The following FHOD3 variants were observed in gnomAD, a reference collection of about 807,000 sequenced individuals.
The protein encoded by FHOD3 is formin homology 2 domain containing 3, also known as FH1/FH2 domain-containing protein 3.
Under a neutral mutation model 173.0 loss-of-function variants are expected in FHOD3, and 90 were observed. The observed-to-expected ratio is 0.52, with a 90% CI of 0.44 to 0.62. FHOD3 has a LOEUF of 0.62. Among genes scored for constraint, FHOD3 ranks in the 20% least tolerant of loss-of-function variants. The pLI, the probability that FHOD3 is intolerant of heterozygous loss-of-function variation, is 0.00. For missense variants in FHOD3, 1,945 were observed against 2,034.7 expected (o/e 0.96, Z 0.85); for synonymous variants, 828 against 823.0 (o/e 1.01, Z -0.10).
Position 36,625,693 on chromosome 18 carries a change from C to T in FHOD3, c.1140C>T (p.Pro380=). 6.2e-7 allele frequency: 1 copy of T among 1,610,934 alleles called. No individual in the cohort carries two copies. Among genetic ancestry groups the T allele is most frequent in the Non-Finnish European group, 8.5e-7 (1 of 1,178,204 alleles). Reference sequence around the variant, plus strand: ...GCACCCTGTCGGCCCCCACCAGTCCCTGCTCCCAGTCAGCTCCCAGCTTCA... The same window carrying T: ...GCACCCTGTCGGCCCCCACCAGTCCTTGCTCCCAGTCAGCTCCCAGCTTCA... ...IKSTLSAPTS[P]CSQSAPSFKP... Residue 380 remains proline (P), a synonymous_variant, in exon 10 of 29, where the codon CCC becomes CCT. Transcript: ENST00000590592.
At position 36,777,204 on chromosome 18, in the gene FHOD3, T is replaced by C. The variant is rs149320985; in HGVS notation, c.4787-2244T>C. On this transcript the variant is annotated intron_variant, in intron 28 of 28. Transcript: ENST00000590592. ...ACTACTTCTTCTTCTTTTTCTTTTT[T>C]TTTTTTTTTTTTTTTTGAGATGGGG... 4.3e-3 allele frequency among the ~76,000 whole-genome samples: 626 copies of C among 145,794 alleles called. 2 individuals carry two copies. The highest frequency in any genetic ancestry group is 6.8e-3 in the South Asian group (30 of 4,394).
intron 6 of FHOD3, among the ~76,000 whole-genome samples, chr18:36,584,614 C>T (rs929948846): frequency 6.6e-6 from 1 of 152,060 alleles, no homozygotes; most frequent in Non-Finnish European, 1.5e-5. Context: ...TCAATTAAGA[C>T]TAATTTTTTT....
intron 14 of FHOD3, among the ~76,000 whole-genome samples, chr18:36,666,607 A>T (rs2037198978): frequency 2.0e-5 from 3 of 152,338 alleles, no homozygotes; most frequent in South Asian, 2.1e-4. Context: ...CTTGTGAATT[A>T]AGTGCTAATT....
chr18:36,671,996 T>C (rs1245480991), intron 14 of FHOD3, among the ~76,000 whole-genome samples: 1 of 152,064 alleles, frequency 6.6e-6, no homozygotes, highest in Non-Finnish European at 1.5e-5. Context: ...TTGAAGAACT[T>C]GGGTAGAGAG....
At chr18:36,538,088 C>G (rs1201839063) in intron 5 of FHOD3, among the ~76,000 whole-genome samples, 1 of 152,120 alleles carries the variant, frequency 6.6e-6, no homozygotes, top group African/African-American at 2.4e-5. Context: ...AAACACCCTT[C>G]TAAATAATCC....
At position 36,367,642 on chromosome 18, in the gene FHOD3, G is replaced by A. The variant is rs77513587; in HGVS notation, c.273-5038G>A. ...ACTGACAGCCTCTCTTTGGTATGTG[G>A]AAGCCCTATGAAGGCAGATATCAAA... On this transcript the variant is annotated intron_variant, in intron 2 of 28. Transcript: ENST00000590592. Among the ~76,000 whole-genome samples the A allele has an allele frequency of 8.4e-3, 1,285 of 152,244 alleles. 17 individuals are homozygous for A. Among genetic ancestry groups the A allele is most frequent in the African/African-American group, 0.029 (1,197 of 41,540 alleles).
intron 19 of FHOD3, among the ~76,000 whole-genome samples, chr18:36,720,777 C>A (rs140071577): frequency 2.6e-5 from 1 of 37,810 alleles, no homozygotes; most frequent in Non-Finnish European, 5.4e-5. Flanking sequence ...TCCTCCTCCT[C>A]CTCTTCCTCC....
chr18:36,354,683 G>A (rs927322860), intron 1 of FHOD3, among the ~76,000 whole-genome samples: 1 of 152,092 alleles, frequency 6.6e-6, no homozygotes, highest in Admixed American at 6.5e-5. Context: ...GTGGGTGCCT[G>A]TAATCCCAGC....
chr18:36,385,131 A>G (rs562101923), intron 3 of FHOD3, among the ~76,000 whole-genome samples: 1 of 152,338 alleles, frequency 6.6e-6, no homozygotes, highest in South Asian at 2.1e-4. Context: ...TGTATTAACT[A>G]TTAAACTGGG....
intron 1 of FHOD3, among the ~76,000 whole-genome samples, chr18:36,304,566 T>TC (rs1292977433): frequency 1.3e-5 from 2 of 152,210 alleles, no homozygotes; most frequent in African/African-American, 4.8e-5. Context: ...ATTTTTTTTT[T>TC]CATACCTCCA....
chr18:36,553,304 G>T (rs1263433057), intron 5 of FHOD3, among the ~76,000 whole-genome samples: 2 of 152,164 alleles, frequency 1.3e-5, no homozygotes, highest in Admixed American at 1.3e-4. Context: ...TCTCTGCCAG[G>T]CTTTGGTATC....
chr18:36,401,599 G>A (rs2048815040), intron 3 of FHOD3, among the ~76,000 whole-genome samples: 2 of 152,168 alleles, frequency 1.3e-5, no homozygotes, highest in Admixed American at 1.3e-4. Flanking sequence ...CCAGTATGTG[G>A]CTTTGGTTGG....
At chr18:36,474,993 A>G (rs1367109014) in intron 3 of FHOD3, among the ~76,000 whole-genome samples, 1 of 64,802 alleles carries the variant, frequency 1.5e-5, no homozygotes, top group East Asian at 9.6e-4. Flanking sequence ...ACATACACAC[A>G]CACACACACA....
At chr18:36,515,080 G>C (rs778435452) in intron 5 of FHOD3, among the ~76,000 whole-genome samples, 7 of 152,214 alleles carry the variant, frequency 4.6e-5, no homozygotes, top group Admixed American at 4.6e-4. Context: ...TTGTGCATGG[G>C]CAGGTTAAAC....
At chr18:36,616,977 G>C (rs1214895420) in intron 9 of FHOD3, among the ~76,000 whole-genome samples, 3 of 152,150 alleles carry the variant, frequency 2.0e-5, no homozygotes, top group Admixed American at 1.3e-4. Flanking sequence ...GACAAAGTCT[G>C]TAAGTGAGGT....
chr18:36,578,319 G>A (rs994077366), intron 6 of FHOD3, among the ~76,000 whole-genome samples: 3 of 152,060 alleles, frequency 2.0e-5, no homozygotes, highest in African/African-American at 7.2e-5. Context: ...GTGTGTGCAG[G>A]GGAGCCACCC....
chr18:36,709,350 G>C lies in FHOD3; in HGVS notation c.2492G>C (p.Arg831Thr), dbSNP rs151157762. The C allele has an allele frequency of 7.6e-5, 123 of 1,614,094 alleles. No homozygotes were observed. Among genetic ancestry groups the C allele is most frequent in the Non-Finnish European group, 1.0e-4 (121 of 1,180,020 alleles). ...SVSSSSSTLE[R>T]EEKEDKLSRD... ...TCGTCCTCCAGCAGCACGTTGGAGAGGGAGGAGAAGGAGGACAAGCTCTCC... is the reference window on the plus strand; with the variant it reads ...TCGTCCTCCAGCAGCACGTTGGAGACGGAGGAGAAGGAGGACAAGCTCTCC... The change falls in exon 18 of 29, where the codon AGG (arginine) becomes ACG (threonine). Residue 831 changes from arginine (R) to threonine (T), a missense_variant. By Grantham distance (71) the Arg-to-Thr change is moderately conservative (BLOSUM62 -1). Coordinates refer to ENST00000590592, the MANE Select transcript of FHOD3 (RefSeq NM_001281740.3).
chr18:36,434,052 G>T (rs888992824), intron 3 of FHOD3, among the ~76,000 whole-genome samples: 6 of 152,106 alleles, frequency 3.9e-5, no homozygotes, highest in Non-Finnish European at 7.4e-5. Flanking sequence ...TTGCTGATAG[G>T]CTTCCTGATT....
chr18:36,725,055 G>A (rs956343546), intron 19 of FHOD3, among the ~76,000 whole-genome samples: 2 of 152,178 alleles, frequency 1.3e-5, no homozygotes, highest in Non-Finnish European at 2.9e-5. Flanking sequence ...TCTCATGTCC[G>A]CCTTTTTGCT....
Sources: gnomAD v4.1 joint callset for allele counts (sites outside exome capture counted in the v4.1 genomes callset) on GRCh38, gnomAD v4.1.1 for gene constraint, MANE v1.5 for transcripts, NCBI Gene and HGNC (gene_info 2026-07-23, HGNC 2026-07-21) for gene names.